TNIP3: variants seen among roughly 807,000 people sequenced by gnomAD.
TNIP3 encodes the protein TNFAIP3 interacting protein 3.
A neutral mutation model predicts 54.1 loss-of-function variants in TNIP3; 34 were observed. The observed-to-expected ratio is 0.63, with a 90% CI of 0.48 to 0.84. The LOEUF is 0.84. Among genes scored for constraint, TNIP3 ranks in the 40% least tolerant of loss-of-function variants. TNIP3 has a pLI of 0.00. For synonymous variants in TNIP3, 134 were observed against 136.8 expected (o/e 0.98, Z 0.14); for missense variants, 366 against 387.6 (o/e 0.94, Z 0.47).
upstream of TNIP3, among the ~76,000 whole-genome samples, chr4:121,167,830 G>C (rs1280642032): frequency 6.6e-6 from 1 of 151,972 alleles, no homozygotes; most frequent in Admixed American, 6.6e-5. Flanking sequence ...AGTTCACCAG[G>C]GGCACTAGGA....
At chr4:121,191,450 T>C (rs1027550498) in intron 2 of TNIP3, among the ~76,000 whole-genome samples, 3 of 152,210 alleles carry the variant, frequency 2.0e-5, no homozygotes, top group African/African-American at 7.2e-5. Context: ...TTCTTGGAAA[T>C]AGGCATTTCA....
intron 10 of TNIP3, chr4:121,137,383 G>C (rs1349642883): frequency 6.6e-6 from 1 of 152,080 alleles, no homozygotes; most frequent in Non-Finnish European, 1.5e-5. Context: ...TGGAACTCAA[G>C]AACTTCATTA....
chr4:121,185,378 A>G (rs749913069), intron 2 of TNIP3, among the ~76,000 whole-genome samples: 2 of 152,178 alleles, frequency 1.3e-5, no homozygotes, highest in Admixed American at 6.5e-5. Context: ...TGACTAACCT[A>G]TCTGAACTAG....
intron 3 of TNIP3, chr4:121,182,664 G>A (rs1279345148): frequency 2.0e-6 from 3 of 1,533,778 alleles, no homozygotes; most frequent in East Asian, 2.4e-5. Flanking sequence ...GAGAAAAAAG[G>A]TGTTTTCTTA....
At chr4:121,225,933 T>C (rs1727237498) in intron 1 of TNIP3, among the ~76,000 whole-genome samples, 1 of 152,178 alleles carries the variant, frequency 6.6e-6, no homozygotes, top group Admixed American at 6.5e-5. Context: ...AGGAGTCATA[T>C]TTAACAGTCA....
exon 3 of TNIP3, chr4:121,182,761 T>A: frequency 6.5e-7 from 1 of 1,534,206 alleles, no homozygotes; most frequent in Non-Finnish European, 8.7e-7. Flanking sequence ...CTCAATCAGA[T>A]CCTGGATTTT....
intron 9 of TNIP3, among the ~76,000 whole-genome samples, chr4:121,141,223 T>G (rs1474795216): frequency 2.0e-5 from 3 of 152,054 alleles, no homozygotes; most frequent in Non-Finnish European, 4.4e-5. Flanking sequence ...AAAAAAAGGG[T>G]GCTTTGGGCC....
intron 9 of TNIP3, among the ~76,000 whole-genome samples, chr4:121,140,908 C>T (rs1729080208): frequency 6.6e-6 from 1 of 152,098 alleles, no homozygotes. Context: ...CTTCAGCCAC[C>T]CAAAGAGTCA....
intron 2 of TNIP3, among the ~76,000 whole-genome samples, chr4:121,159,194 G>T (rs1730296962): frequency 6.6e-6 from 1 of 152,128 alleles, no homozygotes; most frequent in African/African-American, 2.4e-5. Flanking sequence ...AGTGAGCCGA[G>T]ATTGTGCCAC....
chr4:121,190,117 C>T (rs1193260718), intron 2 of TNIP3, among the ~76,000 whole-genome samples: 1 of 152,188 alleles, frequency 6.6e-6, no homozygotes, highest in Non-Finnish European at 1.5e-5. Context: ...TGGGACTGCT[C>T]TGCATGGGTG....
In TNIP3 at chr4:121,157,149, T is replaced by C; in HGVS notation, c.308A>G (p.Gln103Arg). The C allele has an allele frequency of 6.6e-7, 1 of 1,517,288 alleles. No individual in the cohort carries two copies. Among genetic ancestry groups the C allele is most frequent in the East Asian group, 2.3e-5 (1 of 44,226 alleles). 94.0% of individuals were successfully genotyped at this position (1,517,288 alleles called of 1,614,324 possible). A position where few individuals can be genotyped will look rare whatever the true frequency, so the allele number is the denominator to read the frequency against. ...GTCGCGCTGCCTGTCGTCCTCTCTC[T>C]GCCTGTCGTCCTTTCTCTGCCTCTG... ...PHQRQRKDDRQREDDRQRDLT... is the reference protein window; with the variant it reads ...PHQRQRKDDRRREDDRQRDLT... Residue 103 changes from glutamine to arginine, a missense_variant, in exon 4 of 11, where the codon CAG (glutamine) becomes CGG (arginine). Gln to Arg is a conservative substitution (Grantham distance 43). Transcript: ENST00000057513.
Position 121,175,684 on chromosome 4 carries a change from C to T in TNIP3, c.189+6992G>A, listed in dbSNP as rs72685939. Among the ~76,000 whole-genome samples the T allele has an allele frequency of 2.9e-3, 446 of 152,356 alleles. 5 individuals carry two copies. The highest frequency in any genetic ancestry group is 5.4e-3 in the Non-Finnish European group (367 of 68,038). Reference sequence around the variant, plus strand: ...TTCTGAGTAAATAGAAAGCATCCTACTCAAAAGTGTGTCTTATTTATCAAC... The same window carrying T: ...TTCTGAGTAAATAGAAAGCATCCTATTCAAAAGTGTGTCTTATTTATCAAC... On this transcript the variant is annotated intron_variant, in intron 3 of 12. Coordinates refer to the TNIP3 transcript ENST00000507879.
chr4:121,213,493 G>T (rs1253857230), intron 2 of TNIP3, among the ~76,000 whole-genome samples: 1 of 152,002 alleles, frequency 6.6e-6, no homozygotes. Flanking sequence ...TTGGAAGTCC[G>T]AGGCGGGTGG....
At chr4:121,159,807 G>A (rs530234797) in intron 2 of TNIP3, among the ~76,000 whole-genome samples, 2 of 152,344 alleles carry the variant, frequency 1.3e-5, no homozygotes, top group South Asian at 4.1e-4. Context: ...TGTTGGGGAA[G>A]TTTGTAGTTT....
chr4:121,194,440 A>G (rs1196072811), intron 2 of TNIP3, among the ~76,000 whole-genome samples: 1 of 152,192 alleles, frequency 6.6e-6, no homozygotes, highest in Non-Finnish European at 1.5e-5. Flanking sequence ...TTAGCATTTC[A>G]TTATGTAGCA....
chr4:121,151,579 G>T (rs1267646470), intron 5 of TNIP3, among the ~76,000 whole-genome samples: 1 of 152,064 alleles, frequency 6.6e-6, no homozygotes, highest in Non-Finnish European at 1.5e-5. Context: ...TCTAGGAAGT[G>T]TCAGAATAGT....
chr4:121,158,807 T>C (rs1429035535), intron 2 of TNIP3, 55 bp from the exon 3 acceptor site: 26 of 1,434,952 alleles, frequency 1.8e-5, no homozygotes, highest in East Asian at 2.3e-5. Flanking sequence ...ATTTGGAAGT[T>C]TGGTCAAAAA....
At chr4:121,139,973 CTT>C (rs1468827104) in intron 9 of TNIP3, among the ~76,000 whole-genome samples, 5 of 152,200 alleles carry the variant, frequency 3.3e-5, no homozygotes, top group Non-Finnish European at 7.3e-5. Flanking sequence ...TTTAAATTAA[CTT>C]TGAGGATTTG....
At chr4:121,217,276 AC>A (rs1467024976), upstream of TNIP3, among the ~76,000 whole-genome samples, 3 of 152,072 alleles carry the variant, frequency 2.0e-5, no homozygotes, top group African/African-American at 7.2e-5. Context: ...ATTGCTGAGA[AC>A]CCATCAGAAA....
Sources: gnomAD v4.1 joint callset for allele counts (sites outside exome capture counted in the v4.1 genomes callset) on GRCh38, gnomAD v4.1.1 for gene constraint, MANE v1.5 for transcripts, NCBI Gene and HGNC (gene_info 2026-07-23, HGNC 2026-07-21) for gene names.